The following KRIT1 variants were observed in gnomAD, a reference collection of about 807,000 sequenced individuals.
KRIT1 encodes KRIT1 ankyrin repeat containing.
A neutral mutation model predicts 95.8 loss-of-function variants in KRIT1; 45 were observed. That is an observed-to-expected ratio of 0.47 (90% CI 0.37 to 0.60). The LOEUF (loss-of-function observed/expected upper bound fraction) is 0.60, where lower values mean the gene tolerates loss of function less well. KRIT1 is among the 20% of genes least tolerant of loss of function. The probability of loss-of-function intolerance (pLI) is 0.00; values close to 1 mark genes in which losing one functional copy is unlikely to be tolerated. For missense variants in KRIT1, 788 were observed against 877.5 expected, an observed-to-expected ratio of 0.90 and a Z score of 1.29; for synonymous variants, 282 against 278.8, an observed-to-expected ratio of 1.01 and a Z score of -0.11.
intron 2 of KRIT1, among the ~76,000 whole-genome samples, chr7:92,244,474 A>G (rs1488962692): frequency 2.6e-5 from 4 of 152,260 alleles, no homozygotes; most frequent in Non-Finnish European, 4.4e-5. Flanking sequence ...GTTTTCTTAA[A>G]CCAAATACTT....
intron 17 of KRIT1, among the ~76,000 whole-genome samples, chr7:92,209,932 G>A (rs1309444738): frequency 6.6e-6 from 1 of 152,018 alleles, no homozygotes; most frequent in African/African-American, 2.4e-5. Flanking sequence ...AATTAGCTGG[G>A]CATGGTGGTG....
chr7:92,233,910 C>G (rs1026218561), intron 10 of KRIT1, among the ~76,000 whole-genome samples: 10 of 152,128 alleles, frequency 6.6e-5, no homozygotes, highest in African/African-American at 2.2e-4. Flanking sequence ...CTACACTGGG[C>G]AACTAGTGGA....
At chr7:92,233,787 T>G (rs1011876547) in intron 10 of KRIT1, among the ~76,000 whole-genome samples, 1 of 152,158 alleles carries the variant, frequency 6.6e-6, no homozygotes, top group African/African-American at 2.4e-5. Flanking sequence ...GTAAAAAACT[T>G]TATTATATCC....
At chr7:92,242,859 A>C (rs1799992336) in intron 3 of KRIT1, among the ~76,000 whole-genome samples, 1 of 152,166 alleles carries the variant, frequency 6.6e-6, no homozygotes, top group African/African-American at 2.4e-5. Flanking sequence ...TCTGTCACTT[A>C]GGCTAGAGTG....
chr7:92,219,983 C>G (rs1233028933), intron 14 of KRIT1, among the ~76,000 whole-genome samples: 1 of 152,174 alleles, frequency 6.6e-6, no homozygotes, highest in East Asian at 1.9e-4. Context: ...TGAAACTTCG[C>G]TGAATTAATT....
At chr7:92,235,051 G>T in intron 8 of KRIT1, 128 bp from the exon 9 acceptor site, 1 of 668,838 alleles carries the variant, frequency 1.5e-6, no homozygotes, top group Non-Finnish European at 2.7e-6. Context: ...CCAGGCTGGA[G>T]TTCAGTGCTG....
chr7:92,235,277 G>A (rs1798187454), intron 8 of KRIT1, 126 bp downstream of exon 8: 1 of 964,174 alleles, frequency 1.0e-6, no homozygotes, highest in African/African-American at 1.6e-5. Context: ...TGGGATTACA[G>A]GCGTGAGCCA....
At chr7:92,242,190 G>T (rs1799821030) in intron 3 of KRIT1, 53 bp from the exon 4 acceptor site, 2 of 1,002,664 alleles carry the variant, frequency 2.0e-6, no homozygotes, top group Non-Finnish European at 3.2e-6. Context: ...CACATTTGAT[G>T]GCAAGATAAA....
chr7:92,226,613 T>C lies in KRIT1; in HGVS notation c.1059A>G (p.Gly353=), dbSNP rs1310010328. 1.2e-6 allele frequency: 2 copies of C among 1,613,244 alleles called. No homozygotes were observed. The highest frequency in any genetic ancestry group is 3.3e-5 in the Admixed American group (2 of 60,002). Residue 353 remains glycine, a synonymous_variant, in exon 11 of 19, where the codon GGA becomes GGG. Transcript: ENST00000394505. The stretch of plus-strand genomic sequence containing the variant: ...CAAAATGAAGAGGAGAACTAAGTTG[T>C]CCATTTAAAAGGTTTGGATTGCACT... The part of the protein sequence containing the change: ...KGKCNPNLLN[G]QLSSPLHFAA...
In KRIT1 at chr7:92,213,828, T is replaced by A. The variant is rs371877693; in HGVS notation, c.1818+64A>T. ...TTAATCTACCTCTGTTTAAAATATT[T>A]ATAACACTAACAAAGTTTCAACTAG... On this transcript the variant is annotated intron_variant, in intron 16 of 18. Transcript: ENST00000394505. 7.0e-4 allele frequency: 661 copies of A among 943,964 alleles called. 5 individuals are homozygous for A. The African/African-American group carries it at 9.1e-3, about 13-fold the overall frequency. 58.5% of individuals were successfully genotyped at this position (943,964 alleles called of 1,614,324 possible).
Position 92,213,998 on chromosome 7 carries a change from A to T in KRIT1, c.1731-19T>A, listed in dbSNP as rs769924052. On this transcript the variant is annotated intron_variant, in intron 15 of 18. Transcript: ENST00000394505. ...TTCTTCACTGTAAGCACACATGCCAACATCCTTTAAATAAATCATCTTTAG... is the reference window on the plus strand; with the variant it reads ...TTCTTCACTGTAAGCACACATGCCATCATCCTTTAAATAAATCATCTTTAG... 3 of 1,429,634 alleles carry T rather than the reference A, an allele frequency of 2.1e-6. No individual in the cohort carries two copies. In the Admixed American group the frequency reaches 5.0e-5, roughly 24 times the overall value. 88.6% of individuals were successfully genotyped at this position (1,429,634 alleles called of 1,614,324 possible). A position where few individuals can be genotyped will look rare whatever the true frequency, so the allele number is the denominator to read the frequency against.
Position 92,235,436 on chromosome 7 carries a change from A to C in KRIT1, c.696T>G (p.Pro232=), listed in dbSNP as rs1285357330. 1.2e-6 allele frequency: 2 copies of C among 1,613,714 alleles called. No homozygotes were observed. Among genetic ancestry groups the C allele is most frequent in the African/African-American group, 2.7e-5 (2 of 74,952 alleles). The change falls in exon 8 of 19, where the codon CCT becomes CCG. Residue 232 remains proline, a synonymous_variant. Transcript: ENST00000394505. ...LEKADTCIYN[P]LFGSDLQYTN... ...TATACTGAAGATCTGATCCAAACAA[A>C]GGGTTGTAAATACAGGTATCTGCTT...
intron 17 of KRIT1, among the ~76,000 whole-genome samples, chr7:92,207,186 G>C (rs1418835353): frequency 1.3e-5 from 2 of 152,020 alleles, no homozygotes; most frequent in African/African-American, 4.8e-5. Context: ...ACCTAAAAAG[G>C]TCTTTCCCAA....
In KRIT1 at chr7:92,230,019, G is replaced by T. The variant is rs12113704; in HGVS notation, c.990-3337C>A. Among the ~76,000 whole-genome samples, 918 of 152,260 alleles carry T rather than the reference G, an allele frequency of 6.0e-3. 4 individuals carry two copies. Among genetic ancestry groups the T allele is most frequent in the African/African-American group, 0.021 (882 of 41,546 alleles). On this transcript the variant is annotated intron_variant, in intron 10 of 18. Coordinates refer to ENST00000394505, the MANE Select transcript of KRIT1 (RefSeq NM_194454.3). ...AATTTAGAGAAATGTGATCACCTTA[G>T]AACACTGAAATACATCTAAAAGGGA...
intron 17 of KRIT1, among the ~76,000 whole-genome samples, chr7:92,204,797 A>ACAGGCCATGGACCGGTAC (rs1791027300): frequency 1.3e-5 from 2 of 152,078 alleles, no homozygotes; most frequent in South Asian, 4.2e-4. Context: ...CCGGTTCCTT[A>ACAGGCCATGGACCGGTAC]CAGGCCATGG....
intron 3 of KRIT1, among the ~76,000 whole-genome samples, chr7:92,242,874 G>C (rs1443721032): frequency 6.6e-6 from 1 of 152,140 alleles, no homozygotes; most frequent in Non-Finnish European, 1.5e-5. Flanking sequence ...AGAGTGCAGT[G>C]ACAATCTCGC....
chr7:92,204,991 T>C (rs1584730512), intron 17 of KRIT1, among the ~76,000 whole-genome samples: 1 of 152,158 alleles, frequency 6.6e-6, no homozygotes, highest in South Asian at 2.1e-4. Flanking sequence ...TGAAAATTAA[T>C]ATAAAATGAC....
chr7:92,225,356 G>A (rs1253159074), intron 12 of KRIT1, among the ~76,000 whole-genome samples: 2 of 152,132 alleles, frequency 1.3e-5, no homozygotes, highest in Non-Finnish European at 2.9e-5. Flanking sequence ...CGCCAAGGCT[G>A]GAGTACAGTG....
rs779465895 is a variant in KRIT1 at position 92,225,840 on chromosome 7, G to A, written c.1147-13C>T. On this transcript the variant is annotated splice_polypyrimidine_tract_variant and intron_variant, in intron 11 of 18. Coordinates refer to ENST00000394505, the MANE Select transcript of KRIT1 (RefSeq NM_194454.3). ...GGTCTGTTATATGCTAGAAATGTGG[G>A]TGGGGAGGGGGAAAAAAGGCATTAC... 8.6e-6 allele frequency: 12 copies of A among 1,397,840 alleles called. No homozygotes were observed. Among genetic ancestry groups the A allele is most frequent in the Non-Finnish European group, 1.2e-5 (12 of 983,130 alleles). 86.6% of individuals were successfully genotyped at this position (1,397,840 alleles called of 1,614,324 possible).
Sources: gnomAD v4.1 joint callset for allele counts (sites outside exome capture counted in the v4.1 genomes callset) on GRCh38, gnomAD v4.1.1 for gene constraint, MANE v1.5 for transcripts, NCBI Gene and HGNC (gene_info 2026-07-23, HGNC 2026-07-21) for gene names.